HOXC4: variants seen among roughly 807,000 people sequenced by gnomAD.
The protein encoded by HOXC4 is homeobox protein Hox-C4.
Under a neutral mutation model 25.5 loss-of-function variants are expected in HOXC4, and 15 were observed. The ratio of observed to expected loss-of-function variants is 0.59; its 90% CI spans 0.39 to 0.91. HOXC4 has a LOEUF of 0.91. Ranked by LOEUF, HOXC4 falls within the 40% of genes least tolerant of loss-of-function variation. The pLI, the probability that HOXC4 is intolerant of heterozygous loss-of-function variation, is 0.00. For synonymous variants in HOXC4, 165 were observed against 148.0 expected (o/e 1.11, Z -0.83); for missense variants, 342 against 352.4 (o/e 0.97, Z 0.24).
intron 1 of HOXC4, among the ~76,000 whole-genome samples, chr12:54,041,250 C>T (rs1941266621): frequency 6.6e-6 from 1 of 152,226 alleles, no homozygotes; most frequent in African/African-American, 2.4e-5. Context: ...GACAGAAATG[C>T]TTGTGTTTCC....
intron 1 of HOXC4, among the ~76,000 whole-genome samples, chr12:54,038,792 A>G (rs1941227471): frequency 6.6e-6 from 1 of 152,056 alleles, no homozygotes; most frequent in South Asian, 2.1e-4. Context: ...TGTGTGTTGA[A>G]TGGGTGAGGG....
Position 54,053,950 on chromosome 12 carries a change from T to TCTAA in HOXC4, c.32_35dup (p.Tyr12Ter). The TCTAA allele has an allele frequency of 6.2e-7, 1 of 1,613,582 alleles. No homozygotes were observed. The highest frequency in any genetic ancestry group is 8.5e-7 in the Non-Finnish European group (1 of 1,179,532). On this transcript the variant is annotated frameshift_variant, in exon 1 of 2. Coordinates refer to ENST00000430889, the MANE Select transcript of HOXC4 (RefSeq NM_153633.3). LOFTEE classifies it high-confidence loss of function. ...GATCATGAGCTCGTATTTGATGGAC[T>TCTAA]CTAACTACATCGATCCGAAATTTCC...
chr12:54,033,157 A>G, intron 1 of HOXC4: 1 of 1,613,758 alleles, frequency 6.2e-7, no homozygotes, highest in Non-Finnish European at 8.5e-7. Flanking sequence ...TTCTATAAGC[A>G]GAGCCCCAAT....
At chr12:54,040,190 G>A (rs1555186356) in intron 1 of HOXC4, among the ~76,000 whole-genome samples, 1 of 152,184 alleles carries the variant, frequency 6.6e-6, no homozygotes, top group Non-Finnish European at 1.5e-5. Flanking sequence ...AGGGTGGGCA[G>A]GCAATCAGGT....
upstream of HOXC4, among the ~76,000 whole-genome samples, chr12:54,051,439 C>T (rs1316023168): frequency 1.3e-5 from 2 of 151,812 alleles, no homozygotes; most frequent in Admixed American, 1.3e-4. Flanking sequence ...CAACCCCACA[C>T]AACCCAAACC....
rs1309588387 is a variant in HOXC4, at chr12:54,054,864, A to G, written c.454A>G (p.Asn152Asp). 1 of 1,605,838 alleles carries G rather than the reference A, an allele frequency of 6.2e-7. No homozygotes were observed. Among genetic ancestry groups the G allele is most frequent in the African/African-American group, 1.3e-5 (1 of 74,562 alleles). Residue 152 changes from asparagine (N) to aspartate (D), a missense_variant, in exon 2 of 2, where the codon AAC becomes GAC. Transcript: ENST00000430889. ...CCTCCCCCCAGTGAACCCCAATTAT[A>G]ACGGAGGGGAACCCAAGCGCTCGAG... is the stretch of plus-strand genomic sequence containing the variant. Reference protein sequence around the residue: ...IHVSTVNPNYNGGEPKRSRTA... With the variant: ...IHVSTVNPNYDGGEPKRSRTA...
At chr12:54,053,601 C>T (rs1287480221), upstream of HOXC4, among the ~76,000 whole-genome samples, 1 of 152,186 alleles carries the variant, frequency 6.6e-6, no homozygotes, top group Non-Finnish European at 1.5e-5. Context: ...GGAGGGGAGC[C>T]GGGAGCTTCC....
chr12:54,051,609 T>G (rs745914956), upstream of HOXC4, among the ~76,000 whole-genome samples: 1 of 152,228 alleles, frequency 6.6e-6, no homozygotes, highest in Non-Finnish European at 1.5e-5. Context: ...TTAGAGGTGT[T>G]CAGCCTCTGG....
chr12:54,046,865 C>T (rs905386435), intron 1 of HOXC4, among the ~76,000 whole-genome samples: 17 of 152,280 alleles, frequency 1.1e-4, no homozygotes, highest in Middle Eastern at 3.4e-3. Context: ...ACAGCGTGTT[C>T]CCGGGCGGAG....
chr12:54,048,563 C>A (rs1042975209), intron 1 of HOXC4, among the ~76,000 whole-genome samples: 3 of 152,128 alleles, frequency 2.0e-5, no homozygotes, highest in Non-Finnish European at 4.4e-5. Flanking sequence ...AGAGGTGACC[C>A]GACCAAGTCC....
intron 1 of HOXC4, among the ~76,000 whole-genome samples, chr12:54,039,680 C>T (rs1471838233): frequency 2.0e-5 from 3 of 152,012 alleles, no homozygotes; most frequent in African/African-American, 4.8e-5. Context: ...GGAAACTTTC[C>T]TATCCAAGCA....
At chr12:54,029,446 C>G (rs1048005079) in intron 1 of HOXC4, among the ~76,000 whole-genome samples, 1 of 117,980 alleles carries the variant, frequency 8.5e-6, no homozygotes, top group African/African-American at 3.2e-5. Context: ...CTTTGGGACA[C>G]ACAGGTCCCA....
At chr12:54,017,509 G>A (rs568234180) in intron 1 of HOXC4, 4 of 152,198 alleles carry the variant, frequency 2.6e-5, no homozygotes, top group African/African-American at 9.6e-5. Context: ...AGGGAGAAGA[G>A]GGGGCTGGCG....
At chr12:54,026,249 C>A (rs1434263258) in intron 1 of HOXC4, among the ~76,000 whole-genome samples, 1 of 152,110 alleles carries the variant, frequency 6.6e-6, no homozygotes, top group Non-Finnish European at 1.5e-5. Flanking sequence ...TGACTTGTTC[C>A]CTAGCTCAGT....
intron 1 of HOXC4, chr12:54,033,492 C>T (rs754651283): frequency 6.3e-7 from 1 of 1,591,934 alleles, no homozygotes; most frequent in Non-Finnish European, 8.5e-7. Context: ...GGAGCAGGCG[C>T]AGACAGGGCA....
At chr12:54,029,922 A>C in intron 1 of HOXC4, 1 of 1,603,736 alleles carries the variant, frequency 6.2e-7, no homozygotes, top group Non-Finnish European at 8.5e-7. Context: ...GGAAAAGAGG[A>C]AAAGCGGGAA....
intron 1 of HOXC4, among the ~76,000 whole-genome samples, chr12:54,043,637 G>A (rs1352772681): frequency 7.5e-6 from 1 of 133,404 alleles, no homozygotes; most frequent in Non-Finnish European, 1.5e-5. Context: ...CCTTCCTTCT[G>A]CCTTTCTGGA....
chr12:54,029,662 C>T, intron 1 of HOXC4: 1 of 1,612,414 alleles, frequency 6.2e-7, no homozygotes, highest in Non-Finnish European at 8.5e-7. Flanking sequence ...TAGGGGTCGG[C>T]TACGGAGCGG....
chr12:54,043,688 C>T (rs747073233), intron 1 of HOXC4, among the ~76,000 whole-genome samples: 3 of 151,860 alleles, frequency 2.0e-5, no homozygotes, highest in Non-Finnish European at 4.4e-5. Flanking sequence ...TGGTGGCAGC[C>T]AGGCTTTCTG....
Sources: gnomAD v4.1 joint callset for allele counts (sites outside exome capture counted in the v4.1 genomes callset) on GRCh38, gnomAD v4.1.1 for gene constraint, MANE v1.5 for transcripts, NCBI Gene and HGNC (gene_info 2026-07-23, HGNC 2026-07-21) for gene names.